Variants in LTF observed in about 807,000 individuals in gnomAD.
The protein encoded by LTF is epididymis luminal protein 110.
Under a neutral mutation model 87.2 loss-of-function variants are expected in LTF, and 91 were observed. That is an observed-to-expected ratio of 1.04 (90% CI 0.88 to 1.24). LTF has a LOEUF of 1.24. Among genes scored for constraint, LTF ranks in the 50% most tolerant of loss-of-function variants. The pLI, the probability that LTF is intolerant of heterozygous loss-of-function variation, is 0.00. For missense variants in LTF, 901 were observed against 904.3 expected (o/e 1.00, Z 0.05); for synonymous variants, 378 against 356.1 (o/e 1.06, Z -0.69).
In LTF at chr3:46,438,016, G is replaced by T. The variant is rs1399881642; in HGVS notation, c.2022C>A (p.Gly674=). 1.2e-6 allele frequency: 2 copies of T among 1,613,654 alleles called. No homozygotes were observed. The highest frequency in any genetic ancestry group is 1.7e-6 in the Non-Finnish European group (2 of 1,179,910). ...DNTECLARLH[G]KTTYEKYLGP... ...CCAAATATTTTTCATATGTTGTTTT[G>T]CCATGGAGTCTGGCCAGACACTCAG... is the stretch of plus-strand genomic sequence containing the variant. The change falls in exon 16 of 17, where the codon GGC becomes GGA. Residue 674 remains glycine (G), a synonymous_variant. Coordinates refer to ENST00000231751, the MANE Select transcript of LTF (RefSeq NM_002343.6).
At chr3:46,472,672 AG>A (rs1222847839) in intron 1 of LTF, among the ~76,000 whole-genome samples, 1 of 151,938 alleles carries the variant, frequency 6.6e-6, no homozygotes, top group African/African-American at 2.4e-5. Context: ...AGCCCTTTTG[AG>A]TAAAGCTGAC....
intron 1 of LTF, among the ~76,000 whole-genome samples, chr3:46,473,692 A>G (rs1289741955): frequency 6.6e-6 from 1 of 152,020 alleles, no homozygotes; most frequent in Non-Finnish European, 1.5e-5. Context: ...CTCTCGTTAC[A>G]TCTCCATCTC....
chr3:46,450,960 G>A (rs186295342), intron 6 of LTF, among the ~76,000 whole-genome samples: 27 of 152,290 alleles, frequency 1.8e-4, no homozygotes, highest in African/African-American at 6.0e-4. Context: ...AACCAGACCC[G>A]TCTGTTTCTG....
Position 46,448,913 on chromosome 3 carries a change from C to T in LTF, c.1162G>A (p.Val388Met), listed in dbSNP as rs1253218659. 3 of 1,613,758 alleles carry T rather than the reference C, an allele frequency of 1.9e-6. No homozygotes were observed. The highest frequency in any genetic ancestry group is 1.7e-4 in the Middle Eastern group (1 of 6,054). ...NQWSGLSEGS[V>M]TCSSASTTED... ...GTGGTGGAGGCCGAGGAGCAGGTCA[C>T]GCTGCCTTCGCTCAAGCCACTCCAC... Residue 388 changes from valine to methionine, a missense_variant, in exon 9 of 17, where the codon GTG becomes ATG. Coordinates refer to ENST00000231751, the MANE Select transcript of LTF (RefSeq NM_002343.6).
chr3:46,443,143 A>G (rs1237645887), intron 13 of LTF, among the ~76,000 whole-genome samples: 1 of 152,088 alleles, frequency 6.6e-6, no homozygotes, highest in Non-Finnish European at 1.5e-5. Context: ...AGGATACCAC[A>G]CTCTACCCAT....
intron 1 of LTF, 130 bp from the exon 2 acceptor site, chr3:46,459,949 T>C: frequency 1.8e-6 from 1 of 565,034 alleles, no homozygotes; most frequent in South Asian, 3.8e-5. Context: ...ATTTCATGGC[T>C]ATGTCCAGCC....
chr3:46,470,885 A>G (rs1251875466), intron 1 of LTF, among the ~76,000 whole-genome samples: 1 of 152,110 alleles, frequency 6.6e-6, no homozygotes, highest in Non-Finnish European at 1.5e-5. Flanking sequence ...TAGAATTAAA[A>G]CCCGATGTTG....
chr3:46,438,208 C>T, intron 15 of LTF, 79 bp from the exon 16 acceptor site: 1 of 1,207,536 alleles, frequency 8.3e-7, no homozygotes, highest in Non-Finnish European at 1.2e-6. Flanking sequence ...GGTATTTCTT[C>T]CACCCAAGAA....
intron 1 of LTF, among the ~76,000 whole-genome samples, chr3:46,475,038 A>G (rs1295884813): frequency 2.6e-5 from 4 of 152,194 alleles, no homozygotes; most frequent in African/African-American, 9.7e-5. Flanking sequence ...CTGCCACCTC[A>G]AGGAACCAGA....
At chr3:46,456,929 A>T (rs1575319107) in intron 2 of LTF, among the ~76,000 whole-genome samples, 1 of 152,334 alleles carries the variant, frequency 6.6e-6, no homozygotes, top group East Asian at 1.9e-4. Flanking sequence ...TTTTCCACAG[A>T]CAGATGGGGA....
intron 12 of LTF, 84 bp downstream of exon 12, chr3:46,445,192 ATCCCC>A: frequency 7.5e-7 from 1 of 1,333,992 alleles, no homozygotes; most frequent in Non-Finnish European, 1.0e-6. Flanking sequence ...CAGCCTGCAA[ATCCCC>A]TCCCCTCCCT....
At chr3:46,437,337 T>G (rs1457860696) in intron 16 of LTF, among the ~76,000 whole-genome samples, 1 of 151,694 alleles carries the variant, frequency 6.6e-6, no homozygotes, top group Non-Finnish European at 1.5e-5. Context: ...TTTTTTTTTT[T>G]TGAGGAAGGG....
At chr3:46,478,700 G>A (rs1282394301) in intron 1 of LTF, among the ~76,000 whole-genome samples, 1 of 152,208 alleles carries the variant, frequency 6.6e-6, no homozygotes, top group Non-Finnish European at 1.5e-5. Flanking sequence ...AGATGAAGCA[G>A]AACCTGATGG....
chr3:46,477,675 C>T (rs921060847), intron 1 of LTF, among the ~76,000 whole-genome samples: 5 of 152,176 alleles, frequency 3.3e-5, no homozygotes, highest in Admixed American at 3.3e-4. Flanking sequence ...ATAGGGGCTG[C>T]TCAATCGATA....
chr3:46,449,159 C>T (rs1702735925), intron 8 of LTF, 142 bp from the exon 9 acceptor site: 2 of 681,348 alleles, frequency 2.9e-6, no homozygotes, highest in East Asian at 6.2e-5. Flanking sequence ...CATACCCTCT[C>T]CTCCTCCACT....
chr3:46,483,945 A>G (rs1385298352), intron 1 of LTF, among the ~76,000 whole-genome samples: 4 of 152,048 alleles, frequency 2.6e-5, no homozygotes, highest in African/African-American at 7.2e-5. Flanking sequence ...CCCTGGCCAA[A>G]AGTTTATTTT....
intron 10 of LTF, among the ~76,000 whole-genome samples, chr3:46,447,065 T>G (rs1167741705): frequency 1.3e-5 from 2 of 152,220 alleles, no homozygotes; most frequent in Non-Finnish European, 2.9e-5. Flanking sequence ...TCTGTTTGTA[T>G]GTTATAATTC....
At chr3:46,448,661 T>C (rs541269125) in intron 9 of LTF, among the ~76,000 whole-genome samples, 1 of 152,344 alleles carries the variant, frequency 6.6e-6, no homozygotes, top group Admixed American at 6.5e-5. Flanking sequence ...GAGTTGTTCT[T>C]ATAACCAGAG....
rs540544807 is a variant in LTF at position 46,445,354 on chromosome 3, G to A, written c.1440C>T (p.Thr480=). The change falls in exon 12 of 17, where the codon ACC becomes ACT. Residue 480 remains threonine, a synonymous_variant. Coordinates refer to ENST00000231751, the MANE Select transcript of LTF (RefSeq NM_002343.6). ...NSVKGKKSCH[T]AVDRTAGWNI... ...TCCAGCCTGCAGTCCTGTCCACGGCGGTGTGGCAGGACTTCTTGCCTTTCA... is the reference window on the plus strand; with the variant it reads ...TCCAGCCTGCAGTCCTGTCCACGGCAGTGTGGCAGGACTTCTTGCCTTTCA... 4.8e-5 allele frequency: 78 copies of A among 1,613,724 alleles called. No individual in the cohort carries two copies. The East Asian group carries it at 6.2e-4, about 13-fold the overall frequency.
Sources: allele counts gnomAD v4.1 joint callset (sites outside exome capture counted in the v4.1 genomes callset), GRCh38; gene constraint gnomAD v4.1.1; transcripts MANE v1.5; gene names NCBI Gene and HGNC (gene_info 2026-07-23, HGNC 2026-07-21).